The following CSMD1 variants were observed in gnomAD, a reference collection of about 807,000 sequenced individuals.
The protein encoded by CSMD1 is CUB and sushi domain-containing protein 1.
A neutral mutation model predicts 417.5 loss-of-function variants in CSMD1; 213 were observed. That is an observed-to-expected ratio of 0.51 (90% CI 0.46 to 0.57). The LOEUF (loss-of-function observed/expected upper bound fraction) is 0.57. CSMD1 is among the 20% of genes least tolerant of loss of function. The pLI is 0.00. For synonymous variants in CSMD1, 2,862 were observed against 1,736.8 expected (o/e 1.65, Z -16.11); for missense variants, 6,923 against 4,529.7 (o/e 1.53, Z -15.17).
intron 3 of CSMD1, among the ~76,000 whole-genome samples, chr8:4,240,204 T>C (rs1460603320): frequency 6.6e-6 from 1 of 152,260 alleles, no homozygotes; most frequent in Non-Finnish European, 1.5e-5. Context: ...ACTGTGATTT[T>C]GACAACCGGC....
chr8:4,534,494 C>T (rs961526973), intron 2 of CSMD1, among the ~76,000 whole-genome samples: 5 of 152,080 alleles, frequency 3.3e-5, no homozygotes, highest in Non-Finnish European at 4.4e-5. Flanking sequence ...TCAGATACAG[C>T]GGGGTACAGG....
intron 1 of CSMD1, among the ~76,000 whole-genome samples, chr8:4,693,389 G>C (rs1806902837): frequency 6.6e-6 from 1 of 152,216 alleles, no homozygotes. Flanking sequence ...TGGATGGTAG[G>C]AGGACTTCCT....
chr8:3,094,652 G>A (rs919328351), intron 47 of CSMD1, among the ~76,000 whole-genome samples: 2 of 152,050 alleles, frequency 1.3e-5, no homozygotes, highest in Admixed American at 6.6e-5. Context: ...GTTTCATAAT[G>A]ATTAAAATAC....
intron 10 of CSMD1, among the ~76,000 whole-genome samples, chr8:3,506,689 G>A (rs1442269207): frequency 6.6e-6 from 1 of 152,112 alleles, no homozygotes; most frequent in African/African-American, 2.4e-5. Flanking sequence ...CTCCGAATTT[G>A]GGGTGTCATG....
At chr8:3,760,437 G>T (rs1797930121) in intron 5 of CSMD1, among the ~76,000 whole-genome samples, 1 of 152,194 alleles carries the variant, frequency 6.6e-6, no homozygotes, top group Non-Finnish European at 1.5e-5. Flanking sequence ...GAACAGGCCA[G>T]TCTGTTTCAT....
intron 1 of CSMD1, among the ~76,000 whole-genome samples, chr8:4,808,132 G>A (rs554100855): frequency 6.6e-6 from 1 of 152,284 alleles, no homozygotes; most frequent in South Asian, 2.1e-4. Context: ...ACACAAAAGA[G>A]GAATCCACCA....
At chr8:3,105,986 C>T (rs971027808) in intron 46 of CSMD1, among the ~76,000 whole-genome samples, 1 of 152,120 alleles carries the variant, frequency 6.6e-6, no homozygotes, top group Non-Finnish European at 1.5e-5. Context: ...AACATGATTT[C>T]TTATTTGATA....
At chr8:4,634,539 A>G (rs1471213105) in intron 2 of CSMD1, among the ~76,000 whole-genome samples, 1 of 152,234 alleles carries the variant, frequency 6.6e-6, no homozygotes, top group Non-Finnish European at 1.5e-5. Flanking sequence ...ACACCAAGAC[A>G]GCTCTAAGCA....
intron 26 of CSMD1, among the ~76,000 whole-genome samples, chr8:3,233,971 A>G (rs1446545426): frequency 2.0e-5 from 3 of 152,162 alleles, no homozygotes; most frequent in Admixed American, 2.0e-4. Flanking sequence ...GCATGCATCT[A>G]TGTCTCTGTC....
intron 1 of CSMD1, among the ~76,000 whole-genome samples, chr8:4,806,136 A>G (rs1563445341): frequency 6.6e-6 from 1 of 152,164 alleles, no homozygotes. Context: ...CTAACTTTCA[A>G]AAGTCTCTAG....
At chr8:4,785,430 G>A (rs948114120) in intron 1 of CSMD1, among the ~76,000 whole-genome samples, 1 of 152,134 alleles carries the variant, frequency 6.6e-6, no homozygotes, top group Admixed American at 6.5e-5. Context: ...CCCACAGTGG[G>A]TTAGATCACC....
At chr8:3,687,752 T>A (rs1231392983) in intron 7 of CSMD1, among the ~76,000 whole-genome samples, 1 of 152,128 alleles carries the variant, frequency 6.6e-6, no homozygotes, top group African/African-American at 2.4e-5. Context: ...AGCAGGGCCT[T>A]GAGTAACGGC....
At chr8:3,096,392 C>T (rs941509982) in intron 47 of CSMD1, among the ~76,000 whole-genome samples, 3 of 152,048 alleles carry the variant, frequency 2.0e-5, no homozygotes, top group African/African-American at 2.4e-5. Flanking sequence ...ATAGTAAGTC[C>T]CACAAGATCT....
intron 5 of CSMD1, among the ~76,000 whole-genome samples, chr8:3,823,078 A>C (rs1256430162): frequency 6.6e-6 from 1 of 152,186 alleles, no homozygotes; most frequent in Non-Finnish European, 1.5e-5. Context: ...TTTCAAGAGG[A>C]ATAAATTACC....
intron 10 of CSMD1, among the ~76,000 whole-genome samples, chr8:3,500,325 G>C (rs1248117605): frequency 1.3e-5 from 2 of 151,260 alleles, no homozygotes; most frequent in Non-Finnish European, 3.0e-5. Flanking sequence ...GCTAAGCTTT[G>C]CATGACTTTT....
chr8:4,059,528 A>G (rs1372343486), intron 3 of CSMD1, among the ~76,000 whole-genome samples: 4 of 152,182 alleles, frequency 2.6e-5, no homozygotes, highest in African/African-American at 4.8e-5. Flanking sequence ...AGGATCAACA[A>G]AATTGATAGA....
At chr8:4,400,000 G>T (rs1306849883) in intron 3 of CSMD1, among the ~76,000 whole-genome samples, 8 of 152,084 alleles carry the variant, frequency 5.3e-5, no homozygotes, top group African/African-American at 1.4e-4. Flanking sequence ...CTTTCCAAGT[G>T]AATTCCCACA....
chr8:3,117,531 T>C (rs528916294), intron 42 of CSMD1, among the ~76,000 whole-genome samples: 1 of 152,344 alleles, frequency 6.6e-6, no homozygotes, highest in South Asian at 2.1e-4. Flanking sequence ...TCATTATTTT[T>C]TCATTCAAAG....
At chr8:4,189,271 C>A (rs1798872667) in intron 3 of CSMD1, among the ~76,000 whole-genome samples, 1 of 152,172 alleles carries the variant, frequency 6.6e-6, no homozygotes, top group Non-Finnish European at 1.5e-5. Context: ...TAGAGAAACA[C>A]TTCCTATCTC....
Sources: gnomAD v4.1 joint callset for allele counts (sites outside exome capture counted in the v4.1 genomes callset) on GRCh38, gnomAD v4.1.1 for gene constraint, MANE v1.5 for transcripts, NCBI Gene and HGNC (gene_info 2026-07-23, HGNC 2026-07-21) for gene names.